CARMIL1: variants seen among roughly 807,000 people sequenced by gnomAD.
The protein encoded by CARMIL1 is F-actin-uncapping protein LRRC16A.
A neutral mutation model predicts 177.1 loss-of-function variants in CARMIL1; 90 were observed. The observed-to-expected ratio is 0.51, with a 90% CI of 0.43 to 0.61. The LOEUF is 0.61. CARMIL1 is among the 20% of genes least tolerant of loss of function. The probability of loss-of-function intolerance (pLI) is 0.00; values close to 1 mark genes in which losing one functional copy is unlikely to be tolerated. For synonymous variants in CARMIL1, 577 were observed against 606.2 expected, an observed-to-expected ratio of 0.95 and a Z score of 0.71; for missense variants, 1,380 against 1,667.0, an observed-to-expected ratio of 0.83 and a Z score of 3.00.
intron 22 of CARMIL1, 42 bp downstream of exon 22, chr6:25,517,457 CAAA>C (rs1158676891): frequency 1.3e-6 from 2 of 1,497,932 alleles, no homozygotes; most frequent in Non-Finnish European, 1.9e-6. Context: ...AATAAAAAAA[CAAA>C]AACCAATGGT....
At chr6:25,449,448 G>C (rs1036727767) in intron 5 of CARMIL1, among the ~76,000 whole-genome samples, 1 of 152,202 alleles carries the variant, frequency 6.6e-6, no homozygotes, top group African/African-American at 2.4e-5. Flanking sequence ...CCCAGGGGAA[G>C]AGGTAGCAAA....
chr6:25,542,017 C>T (rs1210190347), intron 26 of CARMIL1, among the ~76,000 whole-genome samples: 1 of 152,160 alleles, frequency 6.6e-6, no homozygotes, highest in Non-Finnish European at 1.5e-5. Flanking sequence ...ATTTCATTCC[C>T]CCTTTGTATT....
intron 23 of CARMIL1, 135 bp downstream of exon 23, chr6:25,520,472 G>C: frequency 1.7e-6 from 1 of 585,884 alleles, no homozygotes; most frequent in Non-Finnish European, 3.0e-6. Flanking sequence ...ATTGTCTTAT[G>C]TTCTTATGAC....
intron 17 of CARMIL1, among the ~76,000 whole-genome samples, chr6:25,501,674 C>T (rs987437524): frequency 1.3e-5 from 2 of 152,078 alleles, no homozygotes; most frequent in Non-Finnish European, 2.9e-5. Flanking sequence ...CCAATAGTAC[C>T]TTGCACAGAT....
intron 2 of CARMIL1, among the ~76,000 whole-genome samples, chr6:25,389,732 G>T (rs747890141): frequency 2.6e-5 from 4 of 152,170 alleles, no homozygotes; most frequent in Non-Finnish European, 4.4e-5. Flanking sequence ...GTTGGTGTGG[G>T]CCGCAGCAAT....
intron 2 of CARMIL1, among the ~76,000 whole-genome samples, chr6:25,409,690 T>C (rs1259792437): frequency 6.6e-6 from 1 of 152,178 alleles, no homozygotes; most frequent in Non-Finnish European, 1.5e-5. Flanking sequence ...GAGTAAAACA[T>C]GCATTTTATA....
At chr6:25,600,994 G>A (rs1168959154) in intron 33 of CARMIL1, among the ~76,000 whole-genome samples, 7 of 151,908 alleles carry the variant, frequency 4.6e-5, no homozygotes, top group Admixed American at 3.9e-4. Context: ...TGTGTTTTTT[G>A]TACCCATTTT....
intron 2 of CARMIL1, among the ~76,000 whole-genome samples, chr6:25,359,477 G>A (rs1490774016): frequency 6.6e-6 from 1 of 152,238 alleles, no homozygotes; most frequent in Non-Finnish European, 1.5e-5. Flanking sequence ...AGGGCTCAAA[G>A]ATAAATAAGA....
rs986944797 is a variant in CARMIL1, at chr6:25,417,646, G to A, written c.139-2468G>A. ...CAGGGGCTAGAGCACGAGGAGGCAG[G>A]ATTGAGTAGTAACATATAAATATAG... On this transcript the variant is annotated intron_variant, in intron 2 of 36. Coordinates refer to ENST00000329474, the MANE Select transcript of CARMIL1 (RefSeq NM_017640.6). Among the ~76,000 whole-genome samples, 8 of 152,100 alleles carry A rather than the reference G, an allele frequency of 5.3e-5. 1 individual carries two copies. The highest frequency in any genetic ancestry group is 1.0e-4 in the Non-Finnish European group (7 of 68,014).
chr6:25,378,766 C>T (rs557104483), intron 2 of CARMIL1, among the ~76,000 whole-genome samples: 3 of 137,344 alleles, frequency 2.2e-5, no homozygotes, highest in Non-Finnish European at 3.1e-5. Context: ...CCATCTGCCT[C>T]GTAGTAAGTT....
chr6:25,471,134 G>C (rs370846382), intron 9 of CARMIL1, 35 bp from the exon 10 acceptor site: 10 of 1,398,072 alleles, frequency 7.2e-6, no homozygotes, highest in Non-Finnish European at 9.0e-6. Flanking sequence ...CTTCTTTAGA[G>C]TTATGGAATA....
rs201136338 is a variant in CARMIL1, at chr6:25,510,781, T to A, written c.1632+19T>A. The A allele has an allele frequency of 6.4e-6, 7 of 1,100,718 alleles. No homozygotes were observed. The highest frequency in any genetic ancestry group is 8.6e-6 in the Non-Finnish European group (7 of 813,298). The allele number at this position is 1,100,718 out of a possible 1,614,324, so 68.2% of individuals were successfully genotyped here. On this transcript the variant is annotated intron_variant, in intron 20 of 36. Coordinates refer to ENST00000329474, the MANE Select transcript of CARMIL1 (RefSeq NM_017640.6). ...AGAATCAGTGAGTATTATGTTAAAC[T>A]TTTTACTAAAATCTTCTGTTTGTTG...
chr6:25,345,958 C>T (rs1046361303), intron 2 of CARMIL1, among the ~76,000 whole-genome samples: 2 of 152,168 alleles, frequency 1.3e-5, no homozygotes, highest in Non-Finnish European at 2.9e-5. Context: ...ACCCCATCAG[C>T]AAATCCTATA....
chr6:25,543,877 A>G (rs1410442), intron 26 of CARMIL1, among the ~76,000 whole-genome samples: 2,619 of 152,284 alleles, frequency 0.017, 77 homozygotes, highest in African/African-American at 0.057. Context: ...GTAAGAGCAT[A>G]GCTGCCATGT....
At chr6:25,551,199 T>C in intron 27 of CARMIL1, 114 bp downstream of exon 27, 1 of 736,230 alleles carries the variant, frequency 1.4e-6, no homozygotes, top group Middle Eastern at 3.1e-4. Flanking sequence ...TTAGGCATGT[T>C]TAATAGGCAG....
chr6:25,332,259 CT>C (rs1417062833), intron 2 of CARMIL1, among the ~76,000 whole-genome samples: 5 of 152,280 alleles, frequency 3.3e-5, no homozygotes, highest in Middle Eastern at 3.4e-3. Context: ...GCCTAGGAGC[CT>C]TTTCCCCATT....
chr6:25,304,606 G>T (rs1783121533), intron 2 of CARMIL1, among the ~76,000 whole-genome samples: 1 of 152,170 alleles, frequency 6.6e-6, no homozygotes, highest in Non-Finnish European at 1.5e-5. Flanking sequence ...GAACTCAGGT[G>T]GTAATGTTTG....
chr6:25,376,838 T>A (rs1462143773), intron 2 of CARMIL1, among the ~76,000 whole-genome samples: 1 of 152,090 alleles, frequency 6.6e-6, no homozygotes, highest in Non-Finnish European at 1.5e-5. Context: ...TGGGCAGAGG[T>A]CCCAGCCTTG....
At position 25,435,659 on chromosome 6, in the gene CARMIL1, G is replaced by A. The variant is rs201732267; in HGVS notation, c.371+55G>A. The A allele has an allele frequency of 4.3e-4, 647 of 1,509,538 alleles. 2 individuals carry two copies. The highest frequency in any genetic ancestry group is 2.8e-3 in the Middle Eastern group (16 of 5,744). The allele number at this position is 1,509,538 out of a possible 1,614,324, so 93.5% of individuals were successfully genotyped here. A position where few individuals can be genotyped will look rare whatever the true frequency, so the allele number is the denominator to read the frequency against. On this transcript the variant is annotated intron_variant, in intron 5 of 36. Coordinates refer to ENST00000329474, the MANE Select transcript of CARMIL1 (RefSeq NM_017640.6). ...CAAAGAACCTGTTCTTCCTCAAAAC[G>A]GCAAATACAACAATGCCTTCTTTTT... is the stretch of plus-strand genomic sequence containing the variant.
Sources: gnomAD v4.1 joint callset for allele counts (sites outside exome capture counted in the v4.1 genomes callset) on GRCh38, gnomAD v4.1.1 for gene constraint, MANE v1.5 for transcripts, NCBI Gene and HGNC (gene_info 2026-07-23, HGNC 2026-07-21) for gene names.